VAV2: variants seen among roughly 807,000 people sequenced by gnomAD.
VAV2 encodes guanine nucleotide exchange factor VAV2.
VAV2 carries 67 observed loss-of-function variants against 132.5 expected under a neutral mutation model. That is an observed-to-expected ratio of 0.51 (90% confidence interval 0.42 to 0.62). The LOEUF is 0.62. Ranked by LOEUF, VAV2 falls within the 20% of genes least tolerant of loss-of-function variation. The pLI, the probability that VAV2 is intolerant of heterozygous loss-of-function variation, is 0.00. For missense variants in VAV2, 938 were observed against 1,153.6 expected (o/e 0.81, Z 2.71); for synonymous variants, 492 against 443.5 (o/e 1.11, Z -1.37).
At chr9:133,886,673 C>T (rs569278019) in intron 2 of VAV2, among the ~76,000 whole-genome samples, 59 of 152,330 alleles carry the variant, frequency 3.9e-4, no homozygotes, top group Non-Finnish European at 7.9e-4. Flanking sequence ...CCCTGCTCCG[C>T]GGGGCACCTG....
chr9:133,992,271 T>C lies in VAV2; in HGVS notation c.8A>G (p.Gln3Arg), dbSNP rs780603223. The part of the protein sequence containing the change: ME[Q>R]WRQCGRWLID... ...GAGCCAGCGGCCGCACTGCCGCCAC[T>C]GCTCCATGGCGCCCGCGGGCCCGAC... Residue 3 changes from glutamine to arginine, a missense_variant, in exon 1 of 30, where the codon CAG becomes CGG. Coordinates refer to ENST00000371850, the MANE Select transcript of VAV2 (RefSeq NM_001134398.2). The surrounding 1 kb of genome is among the most constrained non-coding windows in gnomAD (Gnocchi z 5.5). The C allele has an allele frequency of 6.4e-7, 1 of 1,554,612 alleles. No homozygotes were observed. Among genetic ancestry groups the C allele is most frequent in the Non-Finnish European group, 8.7e-7 (1 of 1,150,632 alleles).
intron 4 of VAV2, among the ~76,000 whole-genome samples, chr9:133,815,684 C>T (rs1835530167): frequency 2.0e-5 from 3 of 152,206 alleles, no homozygotes; most frequent in Admixed American, 2.0e-4. Flanking sequence ...CAACAACGTG[C>T]TACCCATCTT....
intron 2 of VAV2, among the ~76,000 whole-genome samples, chr9:133,909,674 AG>A (rs1839807272): frequency 6.6e-6 from 1 of 151,994 alleles, no homozygotes. Context: ...CTGGGCAAAG[AG>A]GGGGAGACAG....
At chr9:133,812,323 G>T (rs992200220) in intron 4 of VAV2, 107 bp from the exon 5 acceptor site, 2 of 1,075,068 alleles carry the variant, frequency 1.9e-6, no homozygotes, top group Non-Finnish European at 2.8e-6. Context: ...TGGGGCCACA[G>T]CGAGGTCACC....
Position 133,804,727 on chromosome 9 carries a change from T to C in VAV2, c.836+1354A>G, listed in dbSNP as rs920456106. ...GACTGGGGCGACAGCCAGTGTGACCTGCCAGCCGGGCACTATCAGCTCACC... is the reference window on the plus strand; with the variant it reads ...GACTGGGGCGACAGCCAGTGTGACCCGCCAGCCGGGCACTATCAGCTCACC... On this transcript the variant is annotated intron_variant, in intron 9 of 29. Coordinates refer to ENST00000371850, the MANE Select transcript of VAV2 (RefSeq NM_001134398.2). This position sits in a 1 kb window ranked among gnomAD's most constrained non-coding sequence, Gnocchi z 4.5. Among the ~76,000 whole-genome samples, 1 of 152,222 alleles carries C rather than the reference T, an allele frequency of 6.6e-6. No individual in the cohort carries two copies. Among genetic ancestry groups the C allele is most frequent in the Admixed American group, 6.5e-5 (1 of 15,284 alleles).
intron 3 of VAV2, among the ~76,000 whole-genome samples, chr9:133,855,035 G>A (rs1837331612): frequency 6.6e-6 from 1 of 151,664 alleles, no homozygotes; most frequent in Non-Finnish European, 1.5e-5. Flanking sequence ...ATGGGAAAAG[G>A]GACACCAGCC....
At chr9:133,971,869 C>T (rs907242550) in intron 1 of VAV2, among the ~76,000 whole-genome samples, 1 of 152,180 alleles carries the variant, frequency 6.6e-6, no homozygotes, top group Non-Finnish European at 1.5e-5. Flanking sequence ...CCGTAGAGTG[C>T]ACAGACCTCT....
chr9:133,876,083 T>C (rs1838251718), intron 2 of VAV2, among the ~76,000 whole-genome samples: 1 of 152,198 alleles, frequency 6.6e-6, no homozygotes, highest in South Asian at 2.1e-4. Flanking sequence ...CCTTGGGTCT[T>C]GGGCCTTCGG....
intron 2 of VAV2, among the ~76,000 whole-genome samples, chr9:133,899,178 C>T (rs929512520): frequency 6.6e-6 from 1 of 151,786 alleles, no homozygotes; most frequent in Non-Finnish European, 1.5e-5. Context: ...CTTTAGTCTG[C>T]CTCAGGGTCC....
At chr9:133,829,507 G>A (rs560584703) in intron 4 of VAV2, among the ~76,000 whole-genome samples, 80 of 152,352 alleles carry the variant, frequency 5.3e-4, no homozygotes, top group African/African-American at 1.8e-3. Flanking sequence ...GCCCAAGTGC[G>A]AGCTCCATAA....
chr9:133,813,861 G>A (rs1423995650), intron 4 of VAV2, among the ~76,000 whole-genome samples: 5 of 152,264 alleles, frequency 3.3e-5, no homozygotes, highest in African/African-American at 9.6e-5. Context: ...GCCAGCGCCT[G>A]TAGAAAAACA....
In VAV2 at chr9:133,991,719, G is replaced by A. The variant is rs1032921980; in HGVS notation, c.204+356C>T. ...ATGCGACCCACGACGCGCACACCCG[G>A]CTCGGCAGGCTCCCTGGGAAATGAG... On this transcript the variant is annotated intron_variant, in intron 1 of 29. Coordinates refer to ENST00000371850, the MANE Select transcript of VAV2 (RefSeq NM_001134398.2). This position sits in a 1 kb window ranked among gnomAD's most constrained non-coding sequence, Gnocchi z 4.8. 6.6e-6 allele frequency among the ~76,000 whole-genome samples: 1 copy of A among 151,472 alleles called. No individual in the cohort carries two copies. Among genetic ancestry groups the A allele is most frequent in the African/African-American group, 2.4e-5 (1 of 41,486 alleles).
chr9:133,797,651 C>A, intron 10 of VAV2, 59 bp downstream of exon 10: 1 of 1,502,346 alleles, frequency 6.7e-7, no homozygotes, highest in Admixed American at 1.9e-5. Context: ...CTAACGAGCT[C>A]TGGCCTGCAA....
At chr9:133,978,817 T>C (rs905282680) in intron 1 of VAV2, among the ~76,000 whole-genome samples, 1 of 152,266 alleles carries the variant, frequency 6.6e-6, no homozygotes, top group East Asian at 1.9e-4. Flanking sequence ...TTGTCATTCT[T>C]GTTTATCTTT....
chr9:133,841,175 T>C (rs1836707527), intron 3 of VAV2, among the ~76,000 whole-genome samples: 1 of 152,076 alleles, frequency 6.6e-6, no homozygotes, highest in South Asian at 2.1e-4. Flanking sequence ...CCATGAGGAC[T>C]GTGGGGCCTC....
intron 2 of VAV2, among the ~76,000 whole-genome samples, chr9:133,898,387 A>G (rs1839300019): frequency 1.3e-5 from 2 of 152,022 alleles, no homozygotes; most frequent in Admixed American, 6.6e-5. Flanking sequence ...TCAGGAGTTC[A>G]AGACCAGCCT....
chr9:133,983,943 T>C (rs1842777140), intron 1 of VAV2, among the ~76,000 whole-genome samples: 2 of 152,184 alleles, frequency 1.3e-5, no homozygotes, highest in Non-Finnish European at 2.9e-5. Flanking sequence ...CATGAAATTT[T>C]CATACTGCAG....
In VAV2 at chr9:133,778,687, T is replaced by A. The variant is rs577027111; in HGVS notation, c.1890+75A>T. On this transcript the variant is annotated intron_variant, in intron 22 of 29. Transcript: ENST00000371850. ...GCCTCTGCCTGGGGATGTGCAGGAC[T>A]TTATGCTTCTGCCCCAGGGAGCAGG... 1.4e-3 allele frequency: 2,274 copies of A among 1,573,776 alleles called. 8 individuals are homozygous for A. Among genetic ancestry groups the A allele is most frequent in the Middle Eastern group, 3.2e-3 (16 of 5,028 alleles).
chr9:133,821,137 GT>G (rs1334344436), intron 4 of VAV2, among the ~76,000 whole-genome samples: 8 of 152,214 alleles, frequency 5.3e-5, no homozygotes, highest in African/African-American at 1.9e-4. Flanking sequence ...AGGCTGCTGT[GT>G]CACACACTGA....
Sources: gnomAD v4.1 joint callset for allele counts (sites outside exome capture counted in the v4.1 genomes callset) on GRCh38, gnomAD v4.1.1 for gene constraint, Gnocchi (gnomAD v3.1) non-coding constraint, MANE v1.5 for transcripts, NCBI Gene and HGNC (gene_info 2026-07-23, HGNC 2026-07-21) for gene names.